The following CFAP299 variants were observed in gnomAD, a reference collection of about 807,000 sequenced individuals.
The protein encoded by CFAP299 is cilia and flagella associated protein 299.
In CFAP299, 21 loss-of-function variants were observed where a neutral mutation model predicts 27.0. The observed-to-expected ratio is 0.78, with a 90% CI of 0.55 to 1.12. CFAP299 has a LOEUF of 1.12. CFAP299 is among the 50% of genes most tolerant of loss of function. The pLI is 0.00. For synonymous variants in CFAP299, 104 were observed against 98.1 expected, an observed-to-expected ratio of 1.06 and a Z score of -0.36; for missense variants, 310 against 276.6, an observed-to-expected ratio of 1.12 and a Z score of -0.86.
At chr4:80,433,331 T>C (rs1300465136) in intron 2 of CFAP299, among the ~76,000 whole-genome samples, 1 of 152,174 alleles carries the variant, frequency 6.6e-6, no homozygotes, top group Non-Finnish European at 1.5e-5. Flanking sequence ...AATATCTCAA[T>C]ATGTACAGCT....
At chr4:80,661,845 T>G (rs1486469991) in intron 3 of CFAP299, among the ~76,000 whole-genome samples, 2 of 152,158 alleles carry the variant, frequency 1.3e-5, no homozygotes, top group Non-Finnish European at 2.9e-5. Flanking sequence ...GGAACATCCC[T>G]GAGAAAGAGA....
chr4:80,327,721 T>TATAA, the CFAP299 span, among the ~76,000 whole-genome samples: 1 of 132,720 alleles, frequency 7.5e-6, no homozygotes, highest in Non-Finnish European at 1.5e-5. Flanking sequence ...TATATATATA[T>TATAA]AACTTCAATA....
chr4:80,687,008 T>C (rs1720245799), intron 3 of CFAP299, among the ~76,000 whole-genome samples: 2 of 152,226 alleles, frequency 1.3e-5, no homozygotes, highest in Non-Finnish European at 2.9e-5. Flanking sequence ...CAAATGTTAC[T>C]CTTCTTCCTT....
At chr4:80,422,389 T>G (rs1727326819) in intron 2 of CFAP299, among the ~76,000 whole-genome samples, 1 of 151,922 alleles carries the variant, frequency 6.6e-6, no homozygotes, top group Non-Finnish European at 1.5e-5. Flanking sequence ...AAAAAAAAAT[T>G]CTTTAGTTTA....
At chr4:80,822,103 T>G (rs1354497816) in intron 3 of CFAP299, among the ~76,000 whole-genome samples, 1 of 152,214 alleles carries the variant, frequency 6.6e-6, no homozygotes, top group Non-Finnish European at 1.5e-5. Flanking sequence ...TGGTAGAAAC[T>G]TCATGCAAGC....
Position 80,959,717 on chromosome 4 carries a change from A to G in CFAP299, c.607-3800A>G, listed in dbSNP as rs1175552831. Among the ~76,000 whole-genome samples, 3 of 151,952 alleles carry G rather than the reference A, an allele frequency of 2.0e-5. No homozygotes were observed. In the East Asian group the frequency reaches 5.8e-4, roughly 29 times the overall value. ...GAATAACTCTTTGTGATATTTTTGA[A>G]GGGCCATCTGGGAAATCTCAGAGAT... is the stretch of plus-strand genomic sequence containing the variant. On this transcript the variant is annotated intron_variant, in intron 5 of 5. Transcript: ENST00000358105.
In CFAP299 at chr4:80,400,496, T is replaced by TGAACC. The variant is rs563964189; in HGVS notation, c.242+37612_242+37613insGAACC. The stretch of plus-strand genomic sequence containing the variant: ...CTATTCTTGTGATAGTGAATAAGTC[T>TGAACC]CACGAGATCTGATGGGTTTATCAGG... On this transcript the variant is annotated intron_variant, in intron 2 of 5. Transcript: ENST00000358105. Among the ~76,000 whole-genome samples the TGAACC allele has an allele frequency of 3.5e-3, 540 of 152,276 alleles. 2 individuals carry two copies. The highest frequency in any genetic ancestry group is 0.012 in the African/African-American group (499 of 41,546).
At chr4:80,568,877 G>A (rs987559569) in intron 2 of CFAP299, among the ~76,000 whole-genome samples, 14 of 152,072 alleles carry the variant, frequency 9.2e-5, no homozygotes, top group African/African-American at 3.4e-4. Context: ...TAGGTTAATG[G>A]CAAATCAAAA....
chr4:80,382,684 A>G (rs1724765844), intron 2 of CFAP299, among the ~76,000 whole-genome samples: 1 of 152,160 alleles, frequency 6.6e-6, no homozygotes, highest in Admixed American at 6.6e-5. Flanking sequence ...TCAAAAAATA[A>G]CAGGGTGTGG....
At chr4:80,409,497 C>T (rs189283578) in intron 2 of CFAP299, among the ~76,000 whole-genome samples, 1 of 152,156 alleles carries the variant, frequency 6.6e-6, no homozygotes, top group Non-Finnish European at 1.5e-5. Flanking sequence ...AACACTCCTA[C>T]AAAGTTTGTT....
chr4:80,761,479 CAAT>C (rs1201101459), intron 3 of CFAP299, among the ~76,000 whole-genome samples: 5 of 151,636 alleles, frequency 3.3e-5, no homozygotes, highest in Non-Finnish European at 7.4e-5. Flanking sequence ...TCTTTAGCTA[CAAT>C]GATATACTGT....
At chr4:80,456,610 G>A (rs565710443) in intron 2 of CFAP299, among the ~76,000 whole-genome samples, 3 of 152,280 alleles carry the variant, frequency 2.0e-5, no homozygotes, top group African/African-American at 7.2e-5. Flanking sequence ...GAATGAAATA[G>A]ACCATAAGAG....
At chr4:80,919,985 T>A (rs1192964172) in intron 4 of CFAP299, among the ~76,000 whole-genome samples, 1 of 152,132 alleles carries the variant, frequency 6.6e-6, no homozygotes, top group Admixed American at 6.6e-5. Flanking sequence ...TGACCTGTTT[T>A]AAAAATTCTT....
At chr4:80,833,768 A>T (rs1024665123) in intron 3 of CFAP299, among the ~76,000 whole-genome samples, 1 of 152,210 alleles carries the variant, frequency 6.6e-6, no homozygotes, top group Non-Finnish European at 1.5e-5. Context: ...TGCCTATTCT[A>T]TAGAAGGAAA....
At chr4:80,511,232 C>CCTAGTAATTACATTTGTAATTACCT (rs1178128461) in intron 2 of CFAP299, among the ~76,000 whole-genome samples, 1 of 152,022 alleles carries the variant, frequency 6.6e-6, no homozygotes, top group Non-Finnish European at 1.5e-5. Flanking sequence ...CTAGTTCATG[C>CCTAGTAATTACATTTGTAATTACCT]AGTAATTACA....
intron 2 of CFAP299, among the ~76,000 whole-genome samples, chr4:80,489,639 A>G (rs1453147359): frequency 6.6e-6 from 1 of 152,174 alleles, no homozygotes; most frequent in Non-Finnish European, 1.5e-5. Flanking sequence ...CAAAAATCAG[A>G]GTTCATTTCT....
At chr4:80,800,627 A>G (rs1479733063) in intron 3 of CFAP299, among the ~76,000 whole-genome samples, 1 of 99,064 alleles carries the variant, frequency 1.0e-5, no homozygotes, top group East Asian at 2.5e-4. Flanking sequence ...ATAATATATT[A>G]ATATAAATAT....
rs144912737 is a variant in CFAP299 at position 80,342,657 on chromosome 4, T to C, written c.111+6778T>C. Among the ~76,000 whole-genome samples, 1,182 of 151,712 alleles carry C rather than the reference T, an allele frequency of 7.8e-3. 3 individuals carry two copies. The highest frequency in any genetic ancestry group is 0.024 in the Middle Eastern group (7 of 294). On this transcript the variant is annotated intron_variant, in intron 1 of 5. Coordinates refer to ENST00000358105, the MANE Select transcript of CFAP299 (RefSeq NM_152770.3). ...CACCACCAGGCCTGCTTTGCAAGAG[T>C]TCCTAAAGAAAGCACTAAATATGGA...
At chr4:80,926,742 A>C (rs1345305608) in intron 4 of CFAP299, among the ~76,000 whole-genome samples, 1 of 149,752 alleles carries the variant, frequency 6.7e-6, no homozygotes, top group Non-Finnish European at 1.5e-5. Flanking sequence ...GAAAATAATC[A>C]GTTGCAAAAG....
Sources: allele counts gnomAD v4.1 joint callset (sites outside exome capture counted in the v4.1 genomes callset), GRCh38; gene constraint gnomAD v4.1.1; transcripts MANE v1.5; gene names NCBI Gene and HGNC (gene_info 2026-07-23, HGNC 2026-07-21).